Variants in KLHL3 observed in about 807,000 individuals in gnomAD.
KLHL3 encodes kelch like family member 3.
Under a neutral mutation model 70.5 loss-of-function variants are expected in KLHL3, and 19 were observed. That is an observed-to-expected ratio of 0.27 (90% CI 0.19 to 0.40). The LOEUF is 0.40. KLHL3 is among the 10% of genes least tolerant of loss of function. The probability of loss-of-function intolerance (pLI) is 1.00; values close to 1 mark genes in which losing one functional copy is unlikely to be tolerated. For synonymous variants in KLHL3, 258 were observed against 290.3 expected (o/e 0.89, Z 1.13); for missense variants, 512 against 771.1 (o/e 0.66, Z 3.98).
At chr5:137,640,458 T>A (rs1362307077) in intron 8 of KLHL3, among the ~76,000 whole-genome samples, 1 of 152,244 alleles carries the variant, frequency 6.6e-6, no homozygotes, top group Non-Finnish European at 1.5e-5. Context: ...TCCTGTGAGA[T>A]GTTTATTACA....
At chr5:137,632,314 G>C (rs1449154812) in intron 12 of KLHL3, among the ~76,000 whole-genome samples, 1 of 152,032 alleles carries the variant, frequency 6.6e-6, no homozygotes, top group African/African-American at 2.4e-5. Context: ...AATAGACACA[G>C]AGAACAATGG....
intron 8 of KLHL3, among the ~76,000 whole-genome samples, chr5:137,654,117 C>A (rs1367765835): frequency 6.6e-6 from 1 of 152,136 alleles, no homozygotes; most frequent in Non-Finnish European, 1.5e-5. Context: ...GACTACAAAG[C>A]AGCACATGGA....
chr5:137,719,089 T>G, intron 2 of KLHL3, among the ~76,000 whole-genome samples: 1 of 152,212 alleles, frequency 6.6e-6, no homozygotes, highest in East Asian at 1.9e-4. Flanking sequence ...AAAATTCAGC[T>G]CAAGCATCAA....
chr5:137,692,783 G>T, intron 4 of KLHL3: 1 of 254,420 alleles, frequency 3.9e-6, no homozygotes. Context: ...GCTTGCAGTT[G>T]CTGGTCCACA....
intron 14 of KLHL3, among the ~76,000 whole-genome samples, chr5:137,625,326 G>A (rs142378183): frequency 1.0e-3 from 157 of 152,324 alleles, no homozygotes; most frequent in African/African-American, 3.6e-3. Flanking sequence ...TTTAGAACTT[G>A]TATATGCATC....
Position 137,625,739 on chromosome 5 carries a change from T to G in KLHL3, c.1735+14A>C. Reference sequence around the variant, plus strand: ...GAGGCCTCTCGGATGGGCATGGAGATGGCACACACTGACCTGCATAGCTCC... The same window carrying G: ...GAGGCCTCTCGGATGGGCATGGAGAGGGCACACACTGACCTGCATAGCTCC... On this transcript the variant is annotated intron_variant, in intron 14 of 14. Transcript: ENST00000309755. 1 of 1,614,000 alleles carries G rather than the reference T, an allele frequency of 6.2e-7. No homozygotes were observed. Among genetic ancestry groups the G allele is most frequent in the Non-Finnish European group, 8.5e-7 (1 of 1,179,920 alleles).
At chr5:137,716,749 C>G (rs1437442375) in intron 2 of KLHL3, among the ~76,000 whole-genome samples, 4 of 152,162 alleles carry the variant, frequency 2.6e-5, no homozygotes, top group African/African-American at 9.7e-5. Context: ...TAGCCAGAAC[C>G]ACTCCTGTGG....
chr5:137,631,944 GA>G (rs1010888725), intron 12 of KLHL3, among the ~76,000 whole-genome samples: 1 of 152,096 alleles, frequency 6.6e-6, no homozygotes, highest in Non-Finnish European at 1.5e-5. Flanking sequence ...GGAGGAGGAG[GA>G]GGTAAAATAA....
chr5:137,710,643 GA>G (rs1561616281), intron 2 of KLHL3, among the ~76,000 whole-genome samples: 2 of 152,130 alleles, frequency 1.3e-5, no homozygotes, highest in African/African-American at 4.8e-5. Context: ...GACTACTTTA[GA>G]GATTGATAGG....
chr5:137,647,424 C>G, intron 8 of KLHL3: 2 of 308,724 alleles, frequency 6.5e-6, no homozygotes, highest in African/African-American at 2.4e-5. Flanking sequence ...GATCAAGACC[C>G]TAGCCCTGGC....
At chr5:137,705,403 C>A (rs957754232) in intron 3 of KLHL3, among the ~76,000 whole-genome samples, 1 of 152,214 alleles carries the variant, frequency 6.6e-6, no homozygotes. Context: ...TACTCCAAGT[C>A]TAAGCCCCTT....
In KLHL3 at chr5:137,620,632, T is replaced by G. The variant is rs913320574; in HGVS notation, c.*1466A>C. The G allele has an allele frequency of 1.3e-5, 2 of 152,126 alleles. No individual in the cohort carries two copies. Among genetic ancestry groups the G allele is most frequent in the Non-Finnish European group, 2.9e-5 (2 of 68,030 alleles). The allele number at this position is 152,126 out of a possible 1,614,324, so 9.4% of individuals were successfully genotyped here. A position where few individuals can be genotyped will look rare whatever the true frequency, so the allele number is the denominator to read the frequency against. The stretch of plus-strand genomic sequence containing the variant: ...GTTTAGGAACAGCACAACTTTAAGG[T>G]TTTTTAAATACAAATTACTCCATGC... On this transcript the variant is annotated 3_prime_UTR_variant, in exon 15 of 15. Transcript: ENST00000309755.
At chr5:137,627,641 A>G (rs1232159268) in intron 13 of KLHL3, among the ~76,000 whole-genome samples, 1 of 152,168 alleles carries the variant, frequency 6.6e-6, no homozygotes, top group Non-Finnish European at 1.5e-5. Context: ...GGCATAAAGG[A>G]TATACTGACA....
At chr5:137,707,453 C>G (rs2149928103) in intron 3 of KLHL3, 1 of 152,230 alleles carries the variant, frequency 6.6e-6, no homozygotes, top group South Asian at 2.1e-4. Context: ...GACTATTCAA[C>G]TGTACACATT....
At chr5:137,719,323 G>A (rs1018746444) in intron 2 of KLHL3, among the ~76,000 whole-genome samples, 1 of 152,214 alleles carries the variant, frequency 6.6e-6, no homozygotes, top group African/African-American at 2.4e-5. Context: ...GGCATCTTTG[G>A]TGAATCAATA....
chr5:137,626,008 G>T (rs927715690), intron 13 of KLHL3, 112 bp from the exon 14 acceptor site: 11 of 1,297,230 alleles, frequency 8.5e-6, no homozygotes, highest in Middle Eastern at 2.0e-4. Context: ...TCCCTTCATG[G>T]CAATACAACA....
At chr5:137,678,539 G>A (rs915146310) in intron 5 of KLHL3, among the ~76,000 whole-genome samples, 11 of 152,096 alleles carry the variant, frequency 7.2e-5, no homozygotes, top group African/African-American at 2.4e-4. Context: ...CAGGCTGGTC[G>A]TGATCTCCTA....
chr5:137,732,400 T>C (rs1232191822), intron 1 of KLHL3, among the ~76,000 whole-genome samples: 1 of 151,324 alleles, frequency 6.6e-6, no homozygotes, highest in Non-Finnish European at 1.5e-5. Flanking sequence ...TTAAGAGATT[T>C]TGGCCTGAAC....
At chr5:137,709,675 T>C (rs2149929310) in intron 3 of KLHL3, 75 bp downstream of exon 3, 3 of 1,174,496 alleles carry the variant, frequency 2.6e-6, no homozygotes. Flanking sequence ...CCTCCCCTCA[T>C]GTCACCACCC....
Sources: gnomAD v4.1 joint callset for allele counts (sites outside exome capture counted in the v4.1 genomes callset) on GRCh38, gnomAD v4.1.1 for gene constraint, MANE v1.5 for transcripts, NCBI Gene and HGNC (gene_info 2026-07-23, HGNC 2026-07-21) for gene names.